EYS: variants seen among roughly 807,000 people sequenced by gnomAD.
The protein encoded by EYS is protein eyes shut homolog.
Under a neutral mutation model 282.1 loss-of-function variants are expected in EYS, and 250 were observed. That is an observed-to-expected ratio of 0.89 (90% CI 0.80 to 0.98). EYS has a LOEUF of 0.98. EYS is among the 50% of genes least tolerant of loss of function. The probability of loss-of-function intolerance (pLI) is 0.00; values close to 1 mark genes in which losing one functional copy is unlikely to be tolerated. For synonymous variants in EYS, 1,355 were observed against 1,282.9 expected (o/e 1.06, Z -1.20); for missense variants, 4,016 against 3,709.0 (o/e 1.08, Z -2.15).
chr6:65,450,634 A>G (rs182071022), intron 5 of EYS, among the ~76,000 whole-genome samples: 2 of 152,230 alleles, frequency 1.3e-5, no homozygotes, highest in Admixed American at 1.3e-4. Context: ...AGATATGCAG[A>G]TGTGCTCTGC....
chr6:64,066,139 T>C (rs1027413006), intron 33 of EYS, among the ~76,000 whole-genome samples, 199 bp downstream of exon 33: 1 of 152,048 alleles, frequency 6.6e-6, no homozygotes, highest in Non-Finnish European at 1.5e-5. Context: ...TAGCCAGGCG[T>C]GGTGGTGCAC....
chr6:64,065,636 G>A (rs1423436335), intron 33 of EYS, among the ~76,000 whole-genome samples: 21 of 152,020 alleles, frequency 1.4e-4, no homozygotes, highest in Admixed American at 1.2e-3. Context: ...TGCAGTCAAT[G>A]GCTCCCACTA....
At chr6:65,500,749 C>T (rs1329224085) in intron 2 of EYS, among the ~76,000 whole-genome samples, 4 of 151,822 alleles carry the variant, frequency 2.6e-5, no homozygotes, top group Non-Finnish European at 5.9e-5. Flanking sequence ...CATTCAATTC[C>T]CTCTTATTTC....
At chr6:64,200,813 A>G (rs561697244) in intron 31 of EYS, among the ~76,000 whole-genome samples, 2 of 152,304 alleles carry the variant, frequency 1.3e-5, no homozygotes, top group African/African-American at 2.4e-5. Context: ...TCAAAATTAT[A>G]TAAACATTAG....
Position 65,402,491 on chromosome 6 carries a change from C to A in EYS, c.1171G>T (p.Asp391Tyr). 1 of 1,517,160 alleles carries A rather than the reference C, an allele frequency of 6.6e-7. No homozygotes were observed. The highest frequency in any genetic ancestry group is 1.7e-5 in the Admixed American group (1 of 59,656). The allele number at this position is 1,517,160 out of a possible 1,614,324, so 94.0% of individuals were successfully genotyped here. Reference sequence around the variant, plus strand: ...AATTAATTATACCTGCAAGGATAATCTTTCTCACATTTCTTACATGTAGCA... The same window carrying A: ...AATTAATTATACCTGCAAGGATAATATTTCTCACATTTCTTACATGTAGCA... Reference protein sequence around the residue: ...NNATCKKCEKDYPCSCISGFT... With the variant: ...NNATCKKCEKYYPCSCISGFT... Residue 391 changes from aspartate to tyrosine, a missense_variant, in exon 7 of 43, where the codon GAT becomes TAT. By Grantham distance (160) the Asp-to-Tyr change is radical (BLOSUM62 -3). Coordinates refer to ENST00000503581, the MANE Select transcript of EYS (RefSeq NM_001142800.2).
At chr6:64,365,391 C>T (rs556302346) in intron 29 of EYS, among the ~76,000 whole-genome samples, 14 of 152,042 alleles carry the variant, frequency 9.2e-5, no homozygotes, top group African/African-American at 3.4e-4. Flanking sequence ...GGGGAACTAT[C>T]AACTAGAACA....
intron 13 of EYS, among the ~76,000 whole-genome samples, chr6:65,054,411 T>C (rs1773356625): frequency 6.6e-6 from 1 of 152,030 alleles, no homozygotes; most frequent in African/African-American, 2.4e-5. Flanking sequence ...AGTTAAAAAC[T>C]GTGAGATATT....
At chr6:65,706,883 G>A (rs969282371) in intron 1 of EYS, among the ~76,000 whole-genome samples, 2 of 152,054 alleles carry the variant, frequency 1.3e-5, no homozygotes, top group Admixed American at 1.3e-4. Flanking sequence ...TCTCAAAGGA[G>A]GTGAAAATTA....
chr6:64,146,447 T>A (rs1774522104), intron 31 of EYS, among the ~76,000 whole-genome samples: 1 of 152,144 alleles, frequency 6.6e-6, no homozygotes, highest in African/African-American at 2.4e-5. Flanking sequence ...GTTTGGCTTG[T>A]CCCAAAGCAG....
At chr6:64,518,486 T>C (rs1777630114) in intron 26 of EYS, among the ~76,000 whole-genome samples, 1 of 151,956 alleles carries the variant, frequency 6.6e-6, no homozygotes, top group South Asian at 2.1e-4. Flanking sequence ...AAGAACTCTC[T>C]TGTAAGCTAA....
chr6:65,086,699 C>CA (rs1206444045), intron 12 of EYS, among the ~76,000 whole-genome samples: 2 of 152,120 alleles, frequency 1.3e-5, no homozygotes, highest in African/African-American at 4.8e-5. Context: ...GGTCTGTCTG[C>CA]ATTATGTCTT....
chr6:63,878,705 A>G (rs1240693254), intron 35 of EYS, among the ~76,000 whole-genome samples: 2 of 151,952 alleles, frequency 1.3e-5, no homozygotes, highest in African/African-American at 4.8e-5. Context: ...CCTTGCTGTC[A>G]CCTCGTAGTT....
intron 2 of EYS, among the ~76,000 whole-genome samples, chr6:65,557,945 G>T (rs1768882766): frequency 6.6e-6 from 1 of 152,002 alleles, no homozygotes; most frequent in Admixed American, 6.6e-5. Flanking sequence ...GTTTTTATGA[G>T]CTCACAAGCG....
At chr6:65,107,160 G>T (rs1581915538) in intron 12 of EYS, among the ~76,000 whole-genome samples, 2 of 151,940 alleles carry the variant, frequency 1.3e-5, no homozygotes, top group African/African-American at 4.8e-5. Context: ...CACTTTCCCC[G>T]ATTCCTTTAA....
chr6:64,867,698 T>C (rs1296588889), intron 19 of EYS, among the ~76,000 whole-genome samples: 1 of 151,706 alleles, frequency 6.6e-6, no homozygotes, highest in East Asian at 1.9e-4. Context: ...ACCAAGCTGT[T>C]TTTATCTCTG....
chr6:64,661,439 A>G (rs112347673), intron 22 of EYS, among the ~76,000 whole-genome samples: 16,903 of 152,264 alleles, frequency 0.11, 1,114 homozygotes, highest in East Asian at 0.16. Flanking sequence ...CTACCATCAG[A>G]GTGAACAGGA....
chr6:65,077,044 A>T (rs951309675), intron 12 of EYS, among the ~76,000 whole-genome samples: 3 of 151,952 alleles, frequency 2.0e-5, no homozygotes, highest in African/African-American at 7.3e-5. Flanking sequence ...CAAAAAGTCA[A>T]CGATTAGTGG....
At chr6:64,449,047 CA>C (rs1193652097) in intron 26 of EYS, among the ~76,000 whole-genome samples, 2 of 152,012 alleles carry the variant, frequency 1.3e-5, no homozygotes, top group Non-Finnish European at 2.9e-5. Context: ...TTCAGAAGAT[CA>C]AACTACTCTG....
At chr6:64,101,521 A>C (rs71570664) in intron 31 of EYS, among the ~76,000 whole-genome samples, 1 of 151,638 alleles carries the variant, frequency 6.6e-6, no homozygotes, top group Non-Finnish European at 1.5e-5. Flanking sequence ...AAACAAAAAT[A>C]GAAAACCAGA....
Sources: gnomAD v4.1 joint callset for allele counts (sites outside exome capture counted in the v4.1 genomes callset) on GRCh38, gnomAD v4.1.1 for gene constraint, MANE v1.5 for transcripts, NCBI Gene and HGNC (gene_info 2026-07-23, HGNC 2026-07-21) for gene names.